Variants in SERGEF observed in about 807,000 individuals in gnomAD.
The protein encoded by SERGEF is secretion-regulating guanine nucleotide exchange factor.
A neutral mutation model predicts 50.0 loss-of-function variants in SERGEF; 51 were observed. The ratio of observed to expected loss-of-function variants is 1.02; its 90% CI spans 0.81 to 1.29. The LOEUF (loss-of-function observed/expected upper bound fraction) is 1.29. Among genes scored for constraint, SERGEF ranks in the 50% most tolerant of loss-of-function variants. The pLI is 0.00. For synonymous variants in SERGEF, 205 were observed against 212.4 expected, an observed-to-expected ratio of 0.97 and a Z score of 0.30; for missense variants, 521 against 557.0, an observed-to-expected ratio of 0.94 and a Z score of 0.65.
intron 8 of SERGEF, among the ~76,000 whole-genome samples, chr11:17,961,848 A>G (rs752007147): frequency 2.6e-5 from 4 of 152,214 alleles, no homozygotes; most frequent in Non-Finnish European, 5.9e-5. Context: ...CTGCATCAGA[A>G]GGCTCACCCA....
rs1024423552 is a variant in SERGEF at position 17,941,929 on chromosome 11, C to A, written c.1011+17541G>T. On this transcript the variant is annotated intron_variant, in intron 9 of 10. Transcript: ENST00000265965. ...ATAATCTTGGTCATTTGTATATTATCTTTAGAGAAATGTCCATTCAAGTCC... is the reference window on the plus strand; with the variant it reads ...ATAATCTTGGTCATTTGTATATTATATTTAGAGAAATGTCCATTCAAGTCC... Among the ~76,000 whole-genome samples the A allele has an allele frequency of 6.6e-5, 10 of 152,244 alleles. No individual in the cohort carries two copies. In the East Asian group the frequency reaches 1.9e-3, roughly 29 times the overall value.
At chr11:17,902,217 T>C (rs549485) in intron 9 of SERGEF, among the ~76,000 whole-genome samples, 101,907 of 151,972 alleles carry the variant, frequency 0.67, 34,978 homozygotes, top group African/African-American at 0.78. Flanking sequence ...TATATGGGAA[T>C]TGAAGGTTTG....
chr11:17,815,568 T>C (rs575552461), intron 10 of SERGEF, among the ~76,000 whole-genome samples: 1 of 149,840 alleles, frequency 6.7e-6, no homozygotes, highest in South Asian at 2.1e-4. Flanking sequence ...TGAGCCAAGA[T>C]TGTGCCACTG....
chr11:17,963,082 T>C (rs1174798819), intron 8 of SERGEF, among the ~76,000 whole-genome samples: 1 of 146,674 alleles, frequency 6.8e-6, no homozygotes. Flanking sequence ...CTGGGGAGGC[T>C]GAGGTGGGAG....
chr11:17,998,158 TC>T (rs1265563797), intron 5 of SERGEF, among the ~76,000 whole-genome samples: 1 of 151,916 alleles, frequency 6.6e-6, no homozygotes, highest in Non-Finnish European at 1.5e-5. Context: ...ACACCTGTAA[TC>T]CCAACACTTT....
chr11:17,906,206 T>C (rs1851837282), intron 9 of SERGEF, among the ~76,000 whole-genome samples: 1 of 152,110 alleles, frequency 6.6e-6, no homozygotes, highest in African/African-American at 2.4e-5. Flanking sequence ...AGGAAGGGAA[T>C]ACAGGAGACA....
chr11:17,962,786 G>A (rs568951289), intron 8 of SERGEF, among the ~76,000 whole-genome samples: 1 of 152,280 alleles, frequency 6.6e-6, no homozygotes, highest in Non-Finnish European at 1.5e-5. Context: ...CAGGCTTGAG[G>A]GAACAAGAGG....
intron 10 of SERGEF, among the ~76,000 whole-genome samples, chr11:17,864,121 T>C (rs910926498): frequency 1.3e-5 from 2 of 152,230 alleles, no homozygotes; most frequent in African/African-American, 4.8e-5. Context: ...CCTCTTTGAG[T>C]TCACATTAGA....
intron 7 of SERGEF, among the ~76,000 whole-genome samples, chr11:17,989,078 T>C (rs570412649): frequency 6.6e-6 from 1 of 152,364 alleles, no homozygotes; most frequent in Admixed American, 6.5e-5. Flanking sequence ...TTCTCTATTT[T>C]CTACGTTTTT....
rs574918580 is a variant in SERGEF at position 17,867,742 on chromosome 11, T to C, written c.1048+10466A>G. 6.6e-5 allele frequency among the ~76,000 whole-genome samples: 10 copies of C among 152,344 alleles called. No individual in the cohort carries two copies. The South Asian group carries it at 2.1e-3, about 32-fold the overall frequency. The stretch of plus-strand genomic sequence containing the variant: ...TTGTCTGGGCATCCAGGAATTTCCA[T>C]ACATCTTCTGAAACCTAGGCAGAGG... On this transcript the variant is annotated intron_variant, in intron 10 of 10. Transcript: ENST00000265965.
chr11:17,946,005 A>G (rs1227703401), intron 9 of SERGEF, among the ~76,000 whole-genome samples: 2 of 151,892 alleles, frequency 1.3e-5, no homozygotes, highest in African/African-American at 2.4e-5. Flanking sequence ...AAAAACAAAA[A>G]CTCAAAGGTG....
At chr11:17,848,693 A>C (rs542628097) in intron 10 of SERGEF, among the ~76,000 whole-genome samples, 4 of 152,322 alleles carry the variant, frequency 2.6e-5, no homozygotes, top group African/African-American at 9.6e-5. Context: ...GGTAGCTCCT[A>C]ATTTTACTAA....
chr11:17,832,505 G>A (rs575564917), intron 10 of SERGEF, among the ~76,000 whole-genome samples: 11 of 152,320 alleles, frequency 7.2e-5, no homozygotes, highest in Admixed American at 1.3e-4. Context: ...ACTGGTACCA[G>A]TAGAGTGGGC....
intron 4 of SERGEF, among the ~76,000 whole-genome samples, chr11:18,001,070 C>T (rs758415190): frequency 6.6e-6 from 1 of 152,210 alleles, no homozygotes; most frequent in African/African-American, 2.4e-5. Context: ...AACACCTACC[C>T]CCAGTGACAT....
At chr11:17,960,691 T>A (rs1852979938) in intron 8 of SERGEF, among the ~76,000 whole-genome samples, 1 of 152,278 alleles carries the variant, frequency 6.6e-6, no homozygotes, top group Non-Finnish European at 1.5e-5. Context: ...GCTAAAAAAA[T>A]AACCATAGAT....
At chr11:17,932,089 G>A (rs1852363016) in intron 9 of SERGEF, among the ~76,000 whole-genome samples, 1 of 152,134 alleles carries the variant, frequency 6.6e-6, no homozygotes, top group South Asian at 2.1e-4. Flanking sequence ...AGAAGGAAGA[G>A]AAAGAAATGC....
chr11:17,845,765 A>G (rs936072111), intron 10 of SERGEF, among the ~76,000 whole-genome samples: 1 of 152,196 alleles, frequency 6.6e-6, no homozygotes, highest in African/African-American at 2.4e-5. Flanking sequence ...GACCAATACA[A>G]TTCTCTCTTT....
chr11:17,798,301 T>A (rs1849603705), intron 10 of SERGEF, among the ~76,000 whole-genome samples: 1 of 152,206 alleles, frequency 6.6e-6, no homozygotes, highest in African/African-American at 2.4e-5. Context: ...AGGTCCCCAC[T>A]GGCCTACCTC....
In SERGEF at chr11:17,963,364, TAAAAAAAAAAAAAA is replaced by T. The variant is rs1174880141; in HGVS notation, c.845-3742_845-3729del. 2.6e-4 allele frequency among the ~76,000 whole-genome samples: 13 copies of T among 49,896 alleles called. No individual in the cohort carries two copies. The East Asian group carries it at 7.4e-3, about 28-fold the overall frequency. The allele number at this position is 49,896 out of a possible 152,430, so 32.7% of individuals were successfully genotyped here. On this transcript the variant is annotated intron_variant, in intron 8 of 10. Coordinates refer to ENST00000265965, the MANE Select transcript of SERGEF (RefSeq NM_012139.4). ...CCTAAACTTGGTTGCTTACTATTAG[TAAAAAAAAAAAAAA>T]AAAAAAAAAAAAAAAAATTTTTTTT...
Sources: gnomAD v4.1 joint callset for allele counts (sites outside exome capture counted in the v4.1 genomes callset) on GRCh38, gnomAD v4.1.1 for gene constraint, MANE v1.5 for transcripts, NCBI Gene and HGNC (gene_info 2026-07-23, HGNC 2026-07-21) for gene names.